Variants in CCDC178 observed in about 807,000 individuals in gnomAD.
The protein encoded by CCDC178 is coiled-coil domain-containing protein 178.
In CCDC178, 126 loss-of-function variants were observed where a neutral mutation model predicts 117.4. That is an observed-to-expected ratio of 1.07 (90% CI 0.93 to 1.24). The LOEUF (loss-of-function observed/expected upper bound fraction) is 1.24, where lower values mean the gene tolerates loss of function less well. Ranked by LOEUF, CCDC178 falls within the 50% of genes most tolerant of loss-of-function variation. The pLI is 0.00. For synonymous variants in CCDC178, 283 were observed against 313.4 expected, an observed-to-expected ratio of 0.90 and a Z score of 1.02; for missense variants, 1,030 against 986.9, an observed-to-expected ratio of 1.04 and a Z score of -0.59.
chr18:33,031,838 C>A (rs2056349694), intron 21 of CCDC178, among the ~76,000 whole-genome samples: 1 of 151,972 alleles, frequency 6.6e-6, no homozygotes, highest in Non-Finnish European at 1.5e-5. Context: ...AAAAATATCT[C>A]TCAGGCATAG....
intron 6 of CCDC178, among the ~76,000 whole-genome samples, chr18:33,358,627 A>T (rs893467129): frequency 6.6e-6 from 1 of 151,938 alleles, no homozygotes; most frequent in Non-Finnish European, 1.5e-5. Context: ...GCAAAAAAGA[A>T]ATCAATTTCA....
chr18:33,093,424 T>A (rs925349690), intron 20 of CCDC178, among the ~76,000 whole-genome samples: 23 of 152,064 alleles, frequency 1.5e-4, no homozygotes, highest in Admixed American at 1.2e-3. Context: ...AGACAAAGAA[T>A]AGGGAATGCA....
At chr18:33,249,843 A>G (rs1012653072) in intron 14 of CCDC178, among the ~76,000 whole-genome samples, 12 of 152,134 alleles carry the variant, frequency 7.9e-5, no homozygotes, top group Admixed American at 3.9e-4. Context: ...CATTGAATCT[A>G]TAAATTACCT....
chr18:32,983,480 A>G (rs1422036911), intron 21 of CCDC178: 1 of 558,720 alleles, frequency 1.8e-6, no homozygotes, highest in Non-Finnish European at 3.1e-6. Flanking sequence ...CACATTTGAC[A>G]AAGAAGAGAA....
intron 20 of CCDC178, among the ~76,000 whole-genome samples, chr18:33,211,114 A>C (rs992265942): frequency 6.6e-6 from 1 of 151,932 alleles, no homozygotes; most frequent in African/African-American, 2.4e-5. Flanking sequence ...AAATATGAAG[A>C]TCAAAAATAG....
chr18:33,069,266 C>T lies in CCDC178; in HGVS notation c.2388+23495G>A, dbSNP rs150115064. On this transcript the variant is annotated intron_variant, in intron 21 of 22. Transcript: ENST00000383096. The stretch of plus-strand genomic sequence containing the variant: ...AACAAAGCTGGATGCATCACACTAC[C>T]GGATTTTAAAGTATACTACAAAGCT... Among the ~76,000 whole-genome samples, 5 of 152,120 alleles carry T rather than the reference C, an allele frequency of 3.3e-5. No individual in the cohort carries two copies. The East Asian group carries it at 5.8e-4, about 18-fold the overall frequency.
intron 21 of CCDC178, among the ~76,000 whole-genome samples, chr18:33,021,933 A>T (rs1384279091): frequency 6.6e-6 from 1 of 151,976 alleles, no homozygotes; most frequent in East Asian, 1.9e-4. Flanking sequence ...TATATTTTTT[A>T]AATTATTTTC....
intron 22 of CCDC178, among the ~76,000 whole-genome samples, chr18:32,945,373 T>A (rs1391203366): frequency 6.6e-6 from 1 of 152,222 alleles, no homozygotes; most frequent in African/African-American, 2.4e-5. Context: ...CTGATTTACT[T>A]TAGATTGCTG....
chr18:33,423,272 G>A (rs2064056762), intron 2 of CCDC178, among the ~76,000 whole-genome samples: 1 of 152,080 alleles, frequency 6.6e-6, no homozygotes, highest in African/African-American at 2.4e-5. Flanking sequence ...ATAATCCAAT[G>A]ATTTCAGTAT....
chr18:33,418,898 T>C (rs1183866327), intron 2 of CCDC178, among the ~76,000 whole-genome samples: 1 of 152,194 alleles, frequency 6.6e-6, no homozygotes, highest in African/African-American at 2.4e-5. Flanking sequence ...ATTGTTAAAA[T>C]GGCCACATTT....
Position 33,055,807 on chromosome 18 carries a change from A to ATT in CCDC178, c.2388+36952_2388+36953dup, listed in dbSNP as rs111278278. On this transcript the variant is annotated intron_variant, in intron 21 of 22. Coordinates refer to ENST00000383096, the MANE Select transcript of CCDC178 (RefSeq NM_001105528.4). ...GTTTATTACAAGAACTCAATGGATA[A>ATT]TTTTTTTTTTTTTTTGAGAAGGAGT... Among the ~76,000 whole-genome samples the ATT allele has an allele frequency of 3.8e-3, 538 of 140,406 alleles. 2 individuals carry two copies. The highest frequency in any genetic ancestry group is 0.012 in the African/African-American group (469 of 38,624). 92.1% of individuals were successfully genotyped at this position (140,406 alleles called of 152,430 possible).
intron 14 of CCDC178, among the ~76,000 whole-genome samples, chr18:33,256,413 A>T (rs1335173294): frequency 6.6e-6 from 1 of 152,104 alleles, no homozygotes; most frequent in African/African-American, 2.4e-5. Flanking sequence ...TTGAACAAAA[A>T]GTATTATTTA....
rs776168137 is a variant in CCDC178, at chr18:33,298,952, A to G, written c.1023-5640T>C. Among the ~76,000 whole-genome samples, 53 of 152,308 alleles carry G rather than the reference A, an allele frequency of 3.5e-4. 1 individual carries two copies. The highest frequency in any genetic ancestry group is 6.8e-3 in the Middle Eastern group (2 of 294). ...AAAGACCTCTACAAGAAAAACTGCA[A>G]AACACTAATGAAAGAAATTGAAGAA... On this transcript the variant is annotated intron_variant, in intron 11 of 22. Coordinates refer to ENST00000383096, the MANE Select transcript of CCDC178 (RefSeq NM_001105528.4).
chr18:33,121,465 G>A (rs1291108245), intron 20 of CCDC178, among the ~76,000 whole-genome samples: 1 of 152,124 alleles, frequency 6.6e-6, no homozygotes, highest in Non-Finnish European at 1.5e-5. Flanking sequence ...AGGTGGATAG[G>A]TGATAGCTAC....
At chr18:33,248,746 T>A (rs2059580279) in intron 14 of CCDC178, among the ~76,000 whole-genome samples, 1 of 152,112 alleles carries the variant, frequency 6.6e-6, no homozygotes, top group Non-Finnish European at 1.5e-5. Context: ...TGTGTCTTTA[T>A]AGCAGCATGA....
At chr18:33,396,575 C>T (rs1254840102) in intron 4 of CCDC178, among the ~76,000 whole-genome samples, 1 of 151,662 alleles carries the variant, frequency 6.6e-6, no homozygotes, top group Admixed American at 6.6e-5. Flanking sequence ...TTACATTGAG[C>T]AAAAAAAGTA....
At chr18:33,135,002 G>T (rs762758660) in intron 20 of CCDC178, among the ~76,000 whole-genome samples, 9 of 151,318 alleles carry the variant, frequency 5.9e-5, no homozygotes, top group Non-Finnish European at 1.2e-4. Flanking sequence ...CATTAAAATG[G>T]AATATTAAAA....
chr18:33,420,358 T>C (rs1156356226), intron 2 of CCDC178, among the ~76,000 whole-genome samples: 1 of 152,058 alleles, frequency 6.6e-6, no homozygotes, highest in East Asian at 1.9e-4. Context: ...TTTGCCATTA[T>C]TATTATTATT....
At chr18:33,236,002 T>C (rs2059422660) in intron 15 of CCDC178, among the ~76,000 whole-genome samples, 1 of 152,198 alleles carries the variant, frequency 6.6e-6, no homozygotes, top group African/African-American at 2.4e-5. Flanking sequence ...GAGAAAGTGC[T>C]AGACATACTT....
Sources: gnomAD v4.1 joint callset for allele counts (sites outside exome capture counted in the v4.1 genomes callset) on GRCh38, gnomAD v4.1.1 for gene constraint, MANE v1.5 for transcripts, NCBI Gene and HGNC (gene_info 2026-07-23, HGNC 2026-07-21) for gene names.